TBC1D16: variants seen among roughly 807,000 people sequenced by gnomAD.
TBC1D16 encodes TBC1 domain family member 16, also known as CTD-2529O21.1.
In TBC1D16, 58 loss-of-function variants were observed where a neutral mutation model predicts 74.7. The observed-to-expected ratio is 0.78, with a 90% CI of 0.63 to 0.97. TBC1D16 has a LOEUF of 0.97. Among genes scored for constraint, TBC1D16 ranks in the 50% least tolerant of loss-of-function variants. TBC1D16 has a pLI of 0.00. For synonymous variants in TBC1D16, 493 were observed against 474.7 expected (o/e 1.04, Z -0.50); for missense variants, 1,014 against 1,079.5 (o/e 0.94, Z 0.85).
chr17:79,977,564 G>A (rs1022298911), intron 3 of TBC1D16, among the ~76,000 whole-genome samples: 1 of 152,240 alleles, frequency 6.6e-6, no homozygotes, highest in Non-Finnish European at 1.5e-5. Flanking sequence ...AGAGCTCTCC[G>A]CACCTTCCTT....
At chr17:80,026,927 T>G (rs1434013167) in intron 1 of TBC1D16, among the ~76,000 whole-genome samples, 1 of 147,014 alleles carries the variant, frequency 6.8e-6, no homozygotes, top group East Asian at 1.9e-4. Context: ...GCCAGATGCC[T>G]TCTCATCAGT....
chr17:79,991,718 C>A (rs894631791), intron 3 of TBC1D16, among the ~76,000 whole-genome samples: 5 of 866 alleles, frequency 5.8e-3, no homozygotes, highest in African/African-American at 8.9e-3. Flanking sequence ...CGGGGCGGGG[C>A]GGGGAGGGGG....
intron 1 of TBC1D16, among the ~76,000 whole-genome samples, chr17:80,014,811 T>A (rs1024188767): frequency 1.3e-5 from 2 of 151,310 alleles, no homozygotes; most frequent in Non-Finnish European, 2.9e-5. Context: ...AAAAAAAAAA[T>A]AGAAAATGCC....
At chr17:79,996,172 A>G (rs2035266658) in intron 3 of TBC1D16, among the ~76,000 whole-genome samples, 1 of 152,250 alleles carries the variant, frequency 6.6e-6, no homozygotes, top group Non-Finnish European at 1.5e-5. Context: ...GGAATAAAAA[A>G]GCAGGTTGTT....
At chr17:80,024,491 ACACCACACGCAC>A (rs2036443114) in intron 1 of TBC1D16, among the ~76,000 whole-genome samples, 2 of 148,102 alleles carry the variant, frequency 1.4e-5, no homozygotes, top group Admixed American at 6.6e-5. Context: ...CCATAGACAC[ACACCACACGCAC>A]CATAGACAAA....
At position 80,008,156 on chromosome 17, in the gene TBC1D16, C is replaced by T. The variant is rs1197079126; in HGVS notation, c.779+2004G>A. Among the ~76,000 whole-genome samples the T allele has an allele frequency of 6.6e-6, 1 of 152,164 alleles. No individual in the cohort carries two copies. The highest frequency in any genetic ancestry group is 1.5e-5 in the Non-Finnish European group (1 of 68,036). Reference sequence around the variant, plus strand: ...GCGTCTAAAGGCTCCCCCAGGAACCCCCACATGCAGCCAGGTTGAAGAACC... The same window carrying T: ...GCGTCTAAAGGCTCCCCCAGGAACCTCCACATGCAGCCAGGTTGAAGAACC... On this transcript the variant is annotated intron_variant, in intron 3 of 11. Coordinates refer to ENST00000310924, the MANE Select transcript of TBC1D16 (RefSeq NM_019020.4). This position sits in a 1 kb window ranked among gnomAD's most constrained non-coding sequence, Gnocchi z 4.5.
rs149960370 is a variant in TBC1D16, at chr17:79,961,459, C to T, written c.780-8641G>A. Among the ~76,000 whole-genome samples, 131 of 152,344 alleles carry T rather than the reference C, an allele frequency of 8.6e-4. No homozygotes were observed. Among genetic ancestry groups the T allele is most frequent in the Admixed American group, 1.8e-3 (27 of 15,308 alleles). ...TCAGTAATTTCTTAAAAATTAAACACATGCCTGTTTCCAGTTATTCCATTC... is the reference window on the plus strand; with the variant it reads ...TCAGTAATTTCTTAAAAATTAAACATATGCCTGTTTCCAGTTATTCCATTC... On this transcript the variant is annotated intron_variant, in intron 3 of 11. Transcript: ENST00000310924. The surrounding 1 kb of genome is among the most constrained non-coding windows in gnomAD (Gnocchi z 4.8).
intron 2 of TBC1D16, among the ~76,000 whole-genome samples, chr17:80,012,386 C>G (rs1046290675): frequency 3.3e-5 from 5 of 152,174 alleles, no homozygotes; most frequent in East Asian, 3.8e-4. Context: ...CAGGGAAGCC[C>G]CTGCCCACAC....
Position 79,950,324 on chromosome 17 carries a change from G to A in TBC1D16, c.1257+87C>T. The A allele has an allele frequency of 6.9e-7, 1 of 1,442,794 alleles. No homozygotes were observed. The highest frequency in any genetic ancestry group is 9.1e-7 in the Non-Finnish European group (1 of 1,096,742). 89.4% of individuals were successfully genotyped at this position (1,442,794 alleles called of 1,614,324 possible). ...GGTGGCCCGTGGGTGCGGGCGGGCG[G>A]CCAGGCCCCGGCCCTCCTTCCCTCT... On this transcript the variant is annotated intron_variant, in intron 6 of 11. Transcript: ENST00000310924. The surrounding 1 kb of genome is among the most constrained non-coding windows in gnomAD (Gnocchi z 4.6).
intron 3 of TBC1D16, among the ~76,000 whole-genome samples, chr17:79,962,545 G>T (rs1048695868): frequency 6.6e-6 from 1 of 151,852 alleles, no homozygotes; most frequent in Non-Finnish European, 1.5e-5. Context: ...TACAGTTCAG[G>T]TATTAAATAT....
Position 79,994,716 on chromosome 17 carries a change from G to A in TBC1D16, c.779+15444C>T, listed in dbSNP as rs946057243. On this transcript the variant is annotated intron_variant, in intron 3 of 11. Transcript: ENST00000310924. This position sits in a 1 kb window ranked among gnomAD's most constrained non-coding sequence, Gnocchi z 4.6. ...TGGGATTACAGGCGTGAGCCATTGC[G>A]CCCGGCCGAGAATGTTTTTTCAAAA... Among the ~76,000 whole-genome samples the A allele has an allele frequency of 2.0e-5, 3 of 152,112 alleles. No homozygotes were observed. The highest frequency in any genetic ancestry group is 7.2e-5 in the African/African-American group (3 of 41,438).
Position 79,990,314 on chromosome 17 carries a change from G to A in TBC1D16, c.779+19846C>T, listed in dbSNP as rs141938172. Among the ~76,000 whole-genome samples, 1,957 of 152,298 alleles carry A rather than the reference G, an allele frequency of 0.013. 24 individuals carry two copies. Among genetic ancestry groups the A allele is most frequent in the Middle Eastern group, 0.027 (8 of 294 alleles). ...CCGGCTCCAGGTGGTGGGAGCCCAC[G>A]CCCCCGGCCAGCACTCTGGCCACAG... On this transcript the variant is annotated intron_variant, in intron 3 of 11. Transcript: ENST00000310924. This position sits in a 1 kb window ranked among gnomAD's most constrained non-coding sequence, Gnocchi z 4.8.
In TBC1D16 at chr17:80,025,119, A is replaced by ACACACACCAT. The variant is rs1240816819; in HGVS notation, c.-63+10675_-63+10676insATGGTGTGTG. On this transcript the variant is annotated intron_variant, in intron 1 of 11. Transcript: ENST00000310924. ...CACACCATATACACACAAACACCAC[A>ACACACACCAT]GACACACACACACCATAGGCACACA... 1.3e-3 allele frequency among the ~76,000 whole-genome samples: 27 copies of ACACACACCAT among 20,300 alleles called. 2 individuals are homozygous for ACACACACCAT. Among genetic ancestry groups the ACACACACCAT allele is most frequent in the African/African-American group, 5.3e-3 (24 of 4,520 alleles). The allele number at this position is 20,300 out of a possible 152,430, so 13.3% of individuals were successfully genotyped here.
rs1425309904 is a variant in TBC1D16, at chr17:79,939,169, C to T, written c.*1690G>A. The T allele has an allele frequency of 1.3e-5, 2 of 152,388 alleles. No individual in the cohort carries two copies. Among genetic ancestry groups the T allele is most frequent in the Non-Finnish European group, 2.9e-5 (2 of 68,176 alleles). 9.4% of individuals were successfully genotyped at this position (152,388 alleles called of 1,614,324 possible). A position where few individuals can be genotyped will look rare whatever the true frequency, so the allele number is the denominator to read the frequency against. Reference sequence around the variant, plus strand: ...GGCAACCCTCTCTTCCCAGAAGCAACATGGATGAGAAGCCCACCCCATTCC... The same window carrying T: ...GGCAACCCTCTCTTCCCAGAAGCAATATGGATGAGAAGCCCACCCCATTCC... On this transcript the variant is annotated 3_prime_UTR_variant, in exon 12 of 12. Coordinates refer to ENST00000310924, the MANE Select transcript of TBC1D16 (RefSeq NM_019020.4).
In TBC1D16 at chr17:79,986,894, C is replaced by T. The variant is rs1030631855; in HGVS notation, c.779+23266G>A. Among the ~76,000 whole-genome samples the T allele has an allele frequency of 6.6e-6, 1 of 152,240 alleles. No homozygotes were observed. The highest frequency in any genetic ancestry group is 1.5e-5 in the Non-Finnish European group (1 of 68,046). On this transcript the variant is annotated intron_variant, in intron 3 of 11. Transcript: ENST00000310924. This position sits in a 1 kb window ranked among gnomAD's most constrained non-coding sequence, Gnocchi z 6.0. ...TGCATGGGAGGAGCTGGACTGCGGT[C>T]AGCCGTCCCCTCGCGCCCTCCGGTC...
intron 3 of TBC1D16, among the ~76,000 whole-genome samples, chr17:79,970,983 T>C (rs868253964): frequency 4.6e-5 from 7 of 152,370 alleles, no homozygotes; most frequent in South Asian, 2.1e-4. Context: ...TGATCTCATA[T>C]TGTAAATAAT....
rs538230176 is a variant in TBC1D16 at position 79,990,871 on chromosome 17, C to T, written c.779+19289G>A. 5.9e-5 allele frequency among the ~76,000 whole-genome samples: 9 copies of T among 152,344 alleles called. No individual in the cohort carries two copies. The South Asian group carries it at 6.2e-4, about 11-fold the overall frequency. ...CCCCTTATGTCTGGCTCATTTCACT[C>T]GGCGTAACGTCCTCAACTCATCCGT... On this transcript the variant is annotated intron_variant, in intron 3 of 11. Transcript: ENST00000310924. This position sits in a 1 kb window ranked among gnomAD's most constrained non-coding sequence, Gnocchi z 4.8.
chr17:80,021,019 A>G (rs946475800), intron 1 of TBC1D16, among the ~76,000 whole-genome samples: 2 of 149,934 alleles, frequency 1.3e-5, no homozygotes, highest in Non-Finnish European at 1.5e-5. Context: ...TTGGGAGGCC[A>G]AGGCGGGTGG....
In TBC1D16 at chr17:80,016,718, GGCTCAGC is replaced by G. The variant is rs1401257710; in HGVS notation, c.-62-3116_-62-3110del. 1.1e-4 allele frequency among the ~76,000 whole-genome samples: 17 copies of G among 152,266 alleles called. No individual in the cohort carries two copies. The East Asian group carries it at 3.3e-3, about 29-fold the overall frequency. ...GATGGCCACCATCCCAGGACCAGGCGGCTCAGCGCTCTCTGCCTCTCTGGGTTCCTCT... is the reference window on the plus strand; with the variant it reads ...GATGGCCACCATCCCAGGACCAGGCGGCTCTCTGCCTCTCTGGGTTCCTCT... On this transcript the variant is annotated intron_variant, in intron 1 of 11. Coordinates refer to ENST00000310924, the MANE Select transcript of TBC1D16 (RefSeq NM_019020.4).
Sources: gnomAD v4.1 joint callset for allele counts (sites outside exome capture counted in the v4.1 genomes callset) on GRCh38, gnomAD v4.1.1 for gene constraint, Gnocchi (gnomAD v3.1) non-coding constraint, MANE v1.5 for transcripts, NCBI Gene and HGNC (gene_info 2026-07-23, HGNC 2026-07-21) for gene names.